UTS2B: variants seen among roughly 807,000 people sequenced by gnomAD.
UTS2B encodes the protein urotensin-2B.
In UTS2B, 21 loss-of-function variants were observed where a neutral mutation model predicts 19.2. That is an observed-to-expected ratio of 1.09 (90% CI 0.78 to 1.58). UTS2B has a LOEUF of 1.58. Ranked by LOEUF, UTS2B falls within the 40% of genes most tolerant of loss-of-function variation. The pLI is 0.00. For missense variants in UTS2B, 138 were observed against 130.3 expected (o/e 1.06, Z -0.29); for synonymous variants, 57 against 50.2 (o/e 1.14, Z -0.58).
chr3:191,307,722 A>G (rs1204602190), intron 3 of UTS2B, among the ~76,000 whole-genome samples: 21 of 152,116 alleles, frequency 1.4e-4, no homozygotes, highest in Admixed American at 1.3e-3. Context: ...GGAATCTGGA[A>G]TCTCCTCAAG....
intron 1 of UTS2B, chr3:191,329,453 C>G: frequency 2.1e-6 from 1 of 465,282 alleles, no homozygotes; most frequent in Non-Finnish European, 3.8e-6. Context: ...CAGGTGGCCG[C>G]GGCGGGGCAG....
upstream of UTS2B, among the ~76,000 whole-genome samples, chr3:191,332,786 A>G (rs1215135791): frequency 6.6e-6 from 1 of 152,210 alleles, no homozygotes; most frequent in East Asian, 1.9e-4. Context: ...AAGACTCCCT[A>G]CTTCCTTTTG....
At chr3:191,316,475 G>A (rs187806802) in intron 2 of UTS2B, 36 bp from the exon 3 acceptor site, 2 of 152,284 alleles carry the variant, frequency 1.3e-5, no homozygotes, top group South Asian at 2.1e-4. Context: ...CCCACAGTGT[G>A]AAAGTCACTC....
the UTS2B span, among the ~76,000 whole-genome samples, chr3:191,342,687 G>C: frequency 3.3e-5 from 5 of 152,154 alleles, no homozygotes; most frequent in Non-Finnish European, 5.9e-5. Context: ...CAAACCATTT[G>C]AGGGCTTGTG....
At chr3:191,294,887 C>T (rs574889515) in intron 4 of UTS2B, among the ~76,000 whole-genome samples, 5 of 151,702 alleles carry the variant, frequency 3.3e-5, no homozygotes, top group Non-Finnish European at 2.9e-5. Context: ...AAACAGTAGC[C>T]GGGCATGTTG....
intron 4 of UTS2B, among the ~76,000 whole-genome samples, chr3:191,283,454 T>C (rs1390166187): frequency 6.6e-6 from 1 of 150,970 alleles, no homozygotes; most frequent in Non-Finnish European, 1.5e-5. Flanking sequence ...TTTTTCTCCT[T>C]TGGACTGCCA....
chr3:191,315,200 A>T (rs78744302), intron 3 of UTS2B, among the ~76,000 whole-genome samples: 33,342 of 151,888 alleles, frequency 0.22, 3,989 homozygotes, highest in South Asian at 0.29. Context: ...TTTAGTAGAG[A>T]TGGGGTTTCA....
intron 3 of UTS2B, among the ~76,000 whole-genome samples, chr3:191,311,388 G>C (rs186249847): frequency 6.6e-6 from 1 of 152,220 alleles, no homozygotes; most frequent in Non-Finnish European, 1.5e-5. Flanking sequence ...TGAAAGGGCT[G>C]TGATTTTCCA....
chr3:191,290,993 T>C (rs931958521), intron 4 of UTS2B, among the ~76,000 whole-genome samples: 23 of 152,196 alleles, frequency 1.5e-4, no homozygotes, highest in Non-Finnish European at 2.5e-4. Flanking sequence ...TACATGTAGT[T>C]AAATGAAAAA....
the UTS2B span, among the ~76,000 whole-genome samples, chr3:191,339,381 A>T: frequency 6.6e-6 from 1 of 152,168 alleles, no homozygotes; most frequent in Non-Finnish European, 1.5e-5. Flanking sequence ...CCATCTAAAT[A>T]ATTTTGACTC....
intron 2 of UTS2B, among the ~76,000 whole-genome samples, chr3:191,319,767 C>G (rs980895030): frequency 2.7e-5 from 4 of 149,822 alleles, no homozygotes; most frequent in Non-Finnish European, 5.9e-5. Context: ...ACTTGGGAGG[C>G]TGAGGCAGGA....
intron 4 of UTS2B, among the ~76,000 whole-genome samples, chr3:191,287,867 G>C (rs1716599961): frequency 6.6e-6 from 1 of 152,056 alleles, no homozygotes; most frequent in Admixed American, 6.5e-5. Context: ...CCCTGTTGCA[G>C]ACAGCTTAAT....
At chr3:191,279,989 T>C (rs148077217) in intron 5 of UTS2B, among the ~76,000 whole-genome samples, 223 of 152,260 alleles carry the variant, frequency 1.5e-3, no homozygotes, top group African/African-American at 5.2e-3. Context: ...ATATAAAATA[T>C]CTGAGTGTAG....
chr3:191,297,807 T>C (rs1191311090), intron 4 of UTS2B, among the ~76,000 whole-genome samples: 4 of 152,236 alleles, frequency 2.6e-5, no homozygotes, highest in Admixed American at 2.6e-4. Flanking sequence ...ACTGAAATAA[T>C]CTCTATTTAC....
At chr3:191,304,867 C>G (rs754628329) in intron 3 of UTS2B, among the ~76,000 whole-genome samples, 2 of 152,134 alleles carry the variant, frequency 1.3e-5, no homozygotes, top group African/African-American at 4.8e-5. Flanking sequence ...TTGTTCCCCT[C>G]TATGTGTCCA....
At chr3:191,297,953 A>AT (rs770754221) in intron 4 of UTS2B, among the ~76,000 whole-genome samples, 19 of 152,218 alleles carry the variant, frequency 1.2e-4, no homozygotes, top group Non-Finnish European at 2.5e-4. Flanking sequence ...CTTCTGTCAT[A>AT]TAACACTGAG....
At chr3:191,341,051 C>G in the UTS2B span, among the ~76,000 whole-genome samples, 2 of 151,618 alleles carry the variant, frequency 1.3e-5, no homozygotes, top group African/African-American at 4.9e-5. Flanking sequence ...ATCTTGAACT[C>G]CTGGCCTCAA....
At chr3:191,317,567 T>TTTGTTGTTG (rs61650426) in intron 2 of UTS2B, among the ~76,000 whole-genome samples, 30,781 of 151,378 alleles carry the variant, frequency 0.2, 3,544 homozygotes, top group South Asian at 0.27. Flanking sequence ...TAGGATAGTC[T>TTTGTTGTTG]TTGTTGTTGT....
At chr3:191,339,131 A>G in the UTS2B span, among the ~76,000 whole-genome samples, 1 of 152,216 alleles carries the variant, frequency 6.6e-6, no homozygotes, top group Non-Finnish European at 1.5e-5. Flanking sequence ...TGGGTTGGAA[A>G]CAATGAATAT....
Sources: gnomAD v4.1 joint callset for allele counts (sites outside exome capture counted in the v4.1 genomes callset) on GRCh38, gnomAD v4.1.1 for gene constraint, MANE v1.5 for transcripts, NCBI Gene and HGNC (gene_info 2026-07-23, HGNC 2026-07-21) for gene names.